Variants in CFAP54 observed in about 807,000 individuals in gnomAD.
CFAP54 encodes cilia- and flagella-associated protein 54.
In CFAP54, 290 loss-of-function variants were observed where a neutral mutation model predicts 370.4. That is an observed-to-expected ratio of 0.78 (90% confidence interval 0.71 to 0.86). The LOEUF is 0.86. Among genes scored for constraint, CFAP54 ranks in the 40% least tolerant of loss-of-function variants. CFAP54 has a pLI of 0.00. For synonymous variants in CFAP54, 1,206 were observed against 1,236.5 expected (o/e 0.98, Z 0.52); for missense variants, 3,399 against 3,528.7 (o/e 0.96, Z 0.93).
chr12:96,594,461 C>A lies in CFAP54; in HGVS notation c.3516+15C>A. 1 of 1,464,460 alleles carries A rather than the reference C, an allele frequency of 6.8e-7. No individual in the cohort carries two copies. Among genetic ancestry groups the A allele is most frequent in the Non-Finnish European group, 9.1e-7 (1 of 1,099,662 alleles). The allele number at this position is 1,464,460 out of a possible 1,614,324, so 90.7% of individuals were successfully genotyped here. ...CTGTTGTACAGGTAAGGGTATTCCT[C>A]TCCCCAAGAGAAGGGAATCTTTATA... On this transcript the variant is annotated intron_variant, in intron 25 of 67. Coordinates refer to ENST00000524981, the MANE Select transcript of CFAP54 (RefSeq NM_001306084.2).
At chr12:96,629,894 A>G (rs980028460) in intron 30 of CFAP54, among the ~76,000 whole-genome samples, 199 bp from the exon 31 acceptor site, 1 of 152,196 alleles carries the variant, frequency 6.6e-6, no homozygotes, top group Non-Finnish European at 1.5e-5. Context: ...ACATTTTATG[A>G]TATGATTTAC....
chr12:96,732,969 T>C lies in CFAP54; in HGVS notation c.6966-6987T>C, dbSNP rs112728526. On this transcript the variant is annotated intron_variant, in intron 50 of 67. Transcript: ENST00000524981. ...CTGTGTATCCTATACCCTTTTGGTA[T>C]GAAGGATATGAGTGGTTTTTATTCT... Among the ~76,000 whole-genome samples, 1,183 of 152,306 alleles carry C rather than the reference T, an allele frequency of 7.8e-3. 19 individuals are homozygous for C. Among genetic ancestry groups the C allele is most frequent in the African/African-American group, 0.027 (1,122 of 41,570 alleles).
At chr12:96,525,342 T>G (rs1955367534) in intron 8 of CFAP54, among the ~76,000 whole-genome samples, 1 of 151,876 alleles carries the variant, frequency 6.6e-6, no homozygotes, top group Admixed American at 6.6e-5. Flanking sequence ...TATTATTATT[T>G]TGCTTTTCAT....
Position 96,493,698 on chromosome 12 carries a change from C to T in CFAP54, c.317+3772C>T, listed in dbSNP as rs374161269. 1.1e-4 allele frequency among the ~76,000 whole-genome samples: 16 copies of T among 151,996 alleles called. No individual in the cohort carries two copies. In the East Asian group the frequency reaches 1.5e-3, roughly 15 times the overall value. On this transcript the variant is annotated intron_variant, in intron 1 of 67. Transcript: ENST00000524981. The stretch of plus-strand genomic sequence containing the variant: ...CTGTAATCCCAGCTACTCGGCAGGC[C>T]GAGGCAGGAGAATCACTTGAACCTG...
intron 66 of CFAP54, among the ~76,000 whole-genome samples, chr12:96,854,744 T>C (rs1328927265): frequency 6.6e-6 from 1 of 152,216 alleles, no homozygotes; most frequent in African/African-American, 2.4e-5. Flanking sequence ...ATGTTTTATT[T>C]GAATAAACTC....
At chr12:96,790,626 G>A (rs1958681461) in intron 62 of CFAP54, among the ~76,000 whole-genome samples, 1 of 151,430 alleles carries the variant, frequency 6.6e-6, no homozygotes. Context: ...ACTCAGATAT[G>A]AAGAAATTTA....
chr12:96,508,411 G>A (rs1407803230), intron 4 of CFAP54, among the ~76,000 whole-genome samples: 4 of 150,546 alleles, frequency 2.7e-5, no homozygotes, highest in African/African-American at 7.3e-5. Flanking sequence ...TCAGCCTCCC[G>A]AGTAGCTGGG....
chr12:96,611,606 T>C (rs1229202904), intron 26 of CFAP54, among the ~76,000 whole-genome samples: 2 of 152,126 alleles, frequency 1.3e-5, no homozygotes, highest in Admixed American at 1.3e-4. Flanking sequence ...GGGAGGAAGT[T>C]AAAACCCATC....
chr12:96,858,203 AGAT>A (rs1377168470), intron 66 of CFAP54, among the ~76,000 whole-genome samples: 1 of 152,198 alleles, frequency 6.6e-6, no homozygotes, highest in African/African-American at 2.4e-5. Flanking sequence ...AACAGGTGTG[AGAT>A]GGTATCTCAT....
intron 65 of CFAP54, among the ~76,000 whole-genome samples, chr12:96,823,651 T>G (rs970290071): frequency 6.6e-6 from 1 of 152,236 alleles, no homozygotes; most frequent in Non-Finnish European, 1.5e-5. Flanking sequence ...TTGCCCTCAC[T>G]AGGCCATGAA....
intron 50 of CFAP54, among the ~76,000 whole-genome samples, chr12:96,729,887 G>A (rs1047302131): frequency 7.9e-5 from 12 of 152,098 alleles, no homozygotes; most frequent in African/African-American, 2.7e-4. Context: ...AGAGAAAGAG[G>A]GTGACTGCAG....
Position 96,841,625 on chromosome 12 carries a change from A to G in CFAP54, c.9171+12537A>G, listed in dbSNP as rs142374778. Among the ~76,000 whole-genome samples, 1,252 of 152,318 alleles carry G rather than the reference A, an allele frequency of 8.2e-3. 10 individuals are homozygous for G. The highest frequency in any genetic ancestry group is 0.011 in the Non-Finnish European group (748 of 68,032). On this transcript the variant is annotated intron_variant, in intron 66 of 67. Coordinates refer to ENST00000524981, the MANE Select transcript of CFAP54 (RefSeq NM_001306084.2). Reference sequence around the variant, plus strand: ...AGATTTTTGCATCTATTCCACCTATATCTTAAGCTGCTAATGCCATTATGT... The same window carrying G: ...AGATTTTTGCATCTATTCCACCTATGTCTTAAGCTGCTAATGCCATTATGT...
At chr12:96,688,511 T>A (rs998750979) in intron 42 of CFAP54, among the ~76,000 whole-genome samples, 1 of 152,254 alleles carries the variant, frequency 6.6e-6, no homozygotes, top group African/African-American at 2.4e-5. Flanking sequence ...TGGAGATTCA[T>A]ATTTTTATGT....
intron 45 of CFAP54, among the ~76,000 whole-genome samples, chr12:96,698,399 C>T (rs1014358358): frequency 1.3e-5 from 2 of 152,078 alleles, no homozygotes; most frequent in Non-Finnish European, 2.9e-5. Flanking sequence ...TAGCACTATT[C>T]ACAATAGCAA....
intron 26 of CFAP54, among the ~76,000 whole-genome samples, chr12:96,616,418 G>A (rs1019400690): frequency 6.6e-6 from 1 of 152,134 alleles, no homozygotes; most frequent in Non-Finnish European, 1.5e-5. Context: ...TGTAAATGAC[G>A]AGTTAATGGG....
At chr12:96,695,041 A>G in intron 45 of CFAP54, among the ~76,000 whole-genome samples, 1 of 152,236 alleles carries the variant, frequency 6.6e-6, no homozygotes, top group Middle Eastern at 3.4e-3. Context: ...AAAACAAAAA[A>G]AAACAAAAAA....
chr12:96,735,615 A>T (rs1237162855), intron 50 of CFAP54, among the ~76,000 whole-genome samples: 1 of 152,212 alleles, frequency 6.6e-6, no homozygotes, highest in African/African-American at 2.4e-5. Flanking sequence ...ATTCCTGAAA[A>T]AGGTGATAGA....
chr12:96,621,525 A>T, intron 26 of CFAP54, 65 bp from the exon 27 acceptor site: 1 of 1,103,768 alleles, frequency 9.1e-7, no homozygotes, highest in Non-Finnish European at 1.2e-6. Flanking sequence ...ATGGAAAATG[A>T]TGCATTATAC....
At chr12:96,634,117 G>A (rs937472233) in intron 32 of CFAP54, among the ~76,000 whole-genome samples, 11 of 136,344 alleles carry the variant, frequency 8.1e-5, no homozygotes, top group South Asian at 4.7e-4. Context: ...GTGCAGTGGC[G>A]TGATCTTGGC....
Sources: gnomAD v4.1 joint callset for allele counts (sites outside exome capture counted in the v4.1 genomes callset) on GRCh38, gnomAD v4.1.1 for gene constraint, MANE v1.5 for transcripts, NCBI Gene and HGNC (gene_info 2026-07-23, HGNC 2026-07-21) for gene names.